Variants in ERBB4 observed in about 807,000 individuals in gnomAD.
ERBB4 encodes erb-b2 receptor tyrosine kinase 4, also known as receptor tyrosine-protein kinase erbB-4.
ERBB4 carries 42 observed loss-of-function variants against 158.0 expected under a neutral mutation model. The ratio of observed to expected loss-of-function variants is 0.27; its 90% CI spans 0.21 to 0.34. ERBB4 has a LOEUF of 0.34. Among genes scored for constraint, ERBB4 ranks in the 10% least tolerant of loss-of-function variants. The probability of loss-of-function intolerance (pLI) is 1.00; values close to 1 mark genes in which losing one functional copy is unlikely to be tolerated. For synonymous variants in ERBB4, 583 were observed against 558.7 expected, an observed-to-expected ratio of 1.04 and a Z score of -0.61; for missense variants, 1,333 against 1,624.1, an observed-to-expected ratio of 0.82 and a Z score of 3.08.
At chr2:211,385,274 A>G (rs890055074) in intron 27 of ERBB4, among the ~76,000 whole-genome samples, 1 of 152,130 alleles carries the variant, frequency 6.6e-6, no homozygotes, top group African/African-American at 2.4e-5. Flanking sequence ...TTTACAAGAC[A>G]CTATCATTTC....
At chr2:212,395,614 CTTTTTTT>C (rs760604732) in intron 1 of ERBB4, among the ~76,000 whole-genome samples, 4 of 84,736 alleles carry the variant, frequency 4.7e-5, no homozygotes, top group African/African-American at 1.5e-4. Flanking sequence ...CAGTTACACT[CTTTTTTT>C]TTTTTTTTTT....
intron 3 of ERBB4, among the ~76,000 whole-genome samples, chr2:211,934,431 T>C (rs1047964133): frequency 1.3e-5 from 2 of 152,060 alleles, no homozygotes; most frequent in Non-Finnish European, 2.9e-5. Context: ...AAATTAACTA[T>C]AAAATCACCC....
intron 4 of ERBB4, among the ~76,000 whole-genome samples, chr2:211,781,680 T>C (rs2076042138): frequency 6.6e-6 from 1 of 152,238 alleles, no homozygotes; most frequent in African/African-American, 2.4e-5. Context: ...ATAAAAATTA[T>C]AATTGCAAGG....
chr2:211,638,397 A>G (rs1483599533), intron 16 of ERBB4, among the ~76,000 whole-genome samples: 1 of 152,088 alleles, frequency 6.6e-6, no homozygotes, highest in African/African-American at 2.4e-5. Flanking sequence ...TTTTTCTCCT[A>G]CAAGTAGTGC....
At chr2:211,757,200 C>T (rs2075305252) in intron 4 of ERBB4, among the ~76,000 whole-genome samples, 1 of 152,100 alleles carries the variant, frequency 6.6e-6, no homozygotes, top group Non-Finnish European at 1.5e-5. Context: ...GTTGACTTTA[C>T]TTTTTATTCC....
At chr2:211,620,631 A>G (rs985121542) in intron 18 of ERBB4, among the ~76,000 whole-genome samples, 1 of 152,240 alleles carries the variant, frequency 6.6e-6, no homozygotes, top group Non-Finnish European at 1.5e-5. Flanking sequence ...TTCCTTGCAA[A>G]AAATTAAAAA....
At chr2:212,222,131 A>G (rs1342661813) in intron 1 of ERBB4, among the ~76,000 whole-genome samples, 1 of 151,590 alleles carries the variant, frequency 6.6e-6, no homozygotes, top group East Asian at 1.9e-4. Flanking sequence ...TTTTAGGATT[A>G]TCATATGTGT....
chr2:211,992,840 T>A (rs1280443688), intron 2 of ERBB4, among the ~76,000 whole-genome samples: 2 of 152,190 alleles, frequency 1.3e-5, no homozygotes, highest in Non-Finnish European at 2.9e-5. Context: ...AGACAAAGTC[T>A]TATCTGACAT....
intron 1 of ERBB4, among the ~76,000 whole-genome samples, chr2:212,256,227 T>C (rs1553605849): frequency 6.6e-6 from 1 of 152,154 alleles, no homozygotes; most frequent in Non-Finnish European, 1.5e-5. Flanking sequence ...ACAAGCACTT[T>C]AATAACATAG....
rs531401419 is a variant in ERBB4 at position 212,005,222 on chromosome 2, T to C, written c.235-57606A>G. Among the ~76,000 whole-genome samples, 12 of 152,252 alleles carry C rather than the reference T, an allele frequency of 7.9e-5. No individual in the cohort carries two copies. The South Asian group carries it at 2.5e-3, about 32-fold the overall frequency. On this transcript the variant is annotated intron_variant, in intron 2 of 27. Coordinates refer to ENST00000342788, the MANE Select transcript of ERBB4 (RefSeq NM_005235.3). Reference sequence around the variant, plus strand: ...AATCCCATTGAGTGAGAGTCACTCCTGCTAGCTGGAGTTAGCCATAAAGCA... The same window carrying C: ...AATCCCATTGAGTGAGAGTCACTCCCGCTAGCTGGAGTTAGCCATAAAGCA...
chr2:211,516,351 T>A (rs1024488996), intron 20 of ERBB4, among the ~76,000 whole-genome samples: 3 of 151,824 alleles, frequency 2.0e-5, no homozygotes, highest in Non-Finnish European at 4.4e-5. Flanking sequence ...TTTTTCTTTT[T>A]TGGACGGAGT....
At chr2:212,171,324 G>T (rs1020242711) in intron 1 of ERBB4, among the ~76,000 whole-genome samples, 5 of 149,600 alleles carry the variant, frequency 3.3e-5, no homozygotes, top group Admixed American at 6.6e-5. Flanking sequence ...TAACTAACTT[G>T]TTTTTTTTTT....
chr2:211,542,002 C>T (rs1167316727), intron 20 of ERBB4, among the ~76,000 whole-genome samples: 5 of 150,952 alleles, frequency 3.3e-5, no homozygotes, highest in African/African-American at 1.2e-4. Flanking sequence ...AGGTAGGGTC[C>T]ACATTTTTTT....
At position 211,533,000 on chromosome 2, in the gene ERBB4, A is replaced by G. The variant is rs183185278; in HGVS notation, c.2487+28903T>C. Among the ~76,000 whole-genome samples the G allele has an allele frequency of 3.4e-3, 497 of 144,768 alleles. 4 individuals are homozygous for G. Among genetic ancestry groups the G allele is most frequent in the African/African-American group, 0.012 (465 of 39,478 alleles). 95.0% of individuals were successfully genotyped at this position (144,768 alleles called of 152,430 possible). The stretch of plus-strand genomic sequence containing the variant: ...CAAATATATTTCTTTTATTTAAAAT[A>G]AAAATATTTGACATTAACATATATT... On this transcript the variant is annotated intron_variant, in intron 20 of 27. Coordinates refer to ENST00000342788, the MANE Select transcript of ERBB4 (RefSeq NM_005235.3).
chr2:211,458,359 C>A (rs930682564), intron 20 of ERBB4, among the ~76,000 whole-genome samples: 1 of 151,974 alleles, frequency 6.6e-6, no homozygotes, highest in African/African-American at 2.4e-5. Flanking sequence ...CTCCGCCTCC[C>A]GGGTTCAAGT....
At chr2:211,742,779 GGTTTT>G (rs1447652594) in intron 5 of ERBB4, among the ~76,000 whole-genome samples, 4 of 151,518 alleles carry the variant, frequency 2.6e-5, no homozygotes, top group Non-Finnish European at 4.4e-5. Flanking sequence ...TTTGGAAAAA[GGTTTT>G]ATTTTGCCAG....
intron 4 of ERBB4, among the ~76,000 whole-genome samples, chr2:211,756,589 G>A (rs1203415072): frequency 3.3e-5 from 5 of 152,172 alleles, no homozygotes; most frequent in Non-Finnish European, 7.3e-5. Flanking sequence ...AGTTTGACCT[G>A]TAGGGTAGAA....
At chr2:211,520,820 T>TAAC (rs1454951077) in intron 20 of ERBB4, among the ~76,000 whole-genome samples, 1 of 152,174 alleles carries the variant, frequency 6.6e-6, no homozygotes, top group African/African-American at 2.4e-5. Context: ...TGTAATATTT[T>TAAC]AAACTTTGTT....
chr2:211,499,140 T>C (rs2065551225), intron 20 of ERBB4, among the ~76,000 whole-genome samples: 1 of 152,112 alleles, frequency 6.6e-6, no homozygotes, highest in South Asian at 2.1e-4. Context: ...TCAATATTCC[T>C]CCCTTTTATT....
Sources: allele counts gnomAD v4.1 joint callset (sites outside exome capture counted in the v4.1 genomes callset), GRCh38; gene constraint gnomAD v4.1.1; transcripts MANE v1.5; gene names NCBI Gene and HGNC (gene_info 2026-07-23, HGNC 2026-07-21).